AGBL4: variants seen among roughly 807,000 people sequenced by gnomAD.
AGBL4 encodes the protein AGBL carboxypeptidase 4.
In AGBL4, 58 loss-of-function variants were observed where a neutral mutation model predicts 66.4. The ratio of observed to expected loss-of-function variants is 0.87; its 90% CI spans 0.71 to 1.09. The LOEUF is 1.09. Ranked by LOEUF, AGBL4 falls within the 50% of genes least tolerant of loss-of-function variation. The pLI is 0.00. For synonymous variants in AGBL4, 234 were observed against 222.9 expected (o/e 1.05, Z -0.44); for missense variants, 579 against 631.0 (o/e 0.92, Z 0.88).
intron 4 of AGBL4, among the ~76,000 whole-genome samples, chr1:49,242,309 T>A (rs1481927561): frequency 6.6e-6 from 1 of 152,036 alleles, no homozygotes; most frequent in African/African-American, 2.4e-5. Flanking sequence ...TCTGCTATAA[T>A]GAAAAAGCCA....
At chr1:49,710,027 T>C (rs1647523827) in intron 2 of AGBL4, among the ~76,000 whole-genome samples, 1 of 152,166 alleles carries the variant, frequency 6.6e-6, no homozygotes, top group African/African-American at 2.4e-5. Context: ...TGGAAGACAG[T>C]GTGGCAATTC....
At chr1:49,091,243 A>T (rs1644997971) in intron 4 of AGBL4, among the ~76,000 whole-genome samples, 1 of 152,158 alleles carries the variant, frequency 6.6e-6, no homozygotes, top group African/African-American at 2.4e-5. Context: ...AATGGGAACA[A>T]ATTAAAGAGG....
chr1:48,891,974 G>T (rs1430927717), intron 5 of AGBL4, among the ~76,000 whole-genome samples: 1 of 151,356 alleles, frequency 6.6e-6, no homozygotes, highest in East Asian at 1.9e-4. Context: ...TCCTAGGGCT[G>T]CCATAACAAA....
At chr1:48,602,682 A>G (rs1645091004) in intron 9 of AGBL4, among the ~76,000 whole-genome samples, 1 of 152,200 alleles carries the variant, frequency 6.6e-6, no homozygotes, top group Admixed American at 6.5e-5. Flanking sequence ...GAAAAATAAA[A>G]TGGTTCCTAT....
chr1:49,550,111 C>T (rs1002933462), intron 3 of AGBL4, among the ~76,000 whole-genome samples: 7 of 152,170 alleles, frequency 4.6e-5, no homozygotes, highest in African/African-American at 1.7e-4. Context: ...CCCCTGCTTA[C>T]ATTTGGTGTT....
chr1:49,620,545 C>T (rs541891259), intron 3 of AGBL4, among the ~76,000 whole-genome samples: 23 of 152,146 alleles, frequency 1.5e-4, no homozygotes, highest in African/African-American at 5.3e-4. Context: ...TCAACCACTG[C>T]GGAAGACAAT....
intron 5 of AGBL4, among the ~76,000 whole-genome samples, chr1:48,932,157 C>T (rs1174184230): frequency 6.6e-6 from 1 of 152,132 alleles, no homozygotes; most frequent in African/African-American, 2.4e-5. Context: ...TCTTGGTTAC[C>T]CCAGGGCAGA....
intron 3 of AGBL4, among the ~76,000 whole-genome samples, chr1:49,689,231 T>C (rs183260085): frequency 6.6e-6 from 1 of 152,306 alleles, no homozygotes; most frequent in East Asian, 1.9e-4. Flanking sequence ...CATTAATCTC[T>C]TTTAATTTAA....
chr1:48,555,038 A>C (rs976567488), intron 11 of AGBL4, among the ~76,000 whole-genome samples: 1 of 152,198 alleles, frequency 6.6e-6, no homozygotes, highest in Non-Finnish European at 1.5e-5. Context: ...TAGAGAAGAC[A>C]TGTAAATAAA....
At chr1:49,749,213 G>A (rs1571477899) in intron 2 of AGBL4, among the ~76,000 whole-genome samples, 2 of 152,032 alleles carry the variant, frequency 1.3e-5, no homozygotes, top group South Asian at 2.1e-4. Context: ...GTCCAGTTTC[G>A]TTTTCTGCAT....
At chr1:49,401,746 T>C (rs1645090579) in intron 3 of AGBL4, among the ~76,000 whole-genome samples, 1 of 152,134 alleles carries the variant, frequency 6.6e-6, no homozygotes, top group Non-Finnish European at 1.5e-5. Flanking sequence ...ACAGATTGAG[T>C]AGGATTGGTA....
At chr1:50,019,306 T>TCTCTCTCTCACA (rs1167835143) in intron 1 of AGBL4, among the ~76,000 whole-genome samples, 617 of 48,406 alleles carry the variant, frequency 0.013, 11 homozygotes, top group Non-Finnish European at 0.018. Context: ...TCTCTCTCTC[T>TCTCTCTCTCACA]CACACACACA....
intron 6 of AGBL4, among the ~76,000 whole-genome samples, chr1:48,785,685 A>T (rs563162335): frequency 6.6e-6 from 1 of 152,296 alleles, no homozygotes; most frequent in South Asian, 2.1e-4. Flanking sequence ...TAATAACATA[A>T]TAGTAGCAGG....
At chr1:48,896,266 T>C (rs377406911) in intron 5 of AGBL4, among the ~76,000 whole-genome samples, 26 of 152,346 alleles carry the variant, frequency 1.7e-4, no homozygotes, top group South Asian at 1.2e-3. Flanking sequence ...TCCTCTCACA[T>C]TGTCCTTTGG....
chr1:49,666,070 C>G (rs1646361480), intron 3 of AGBL4, among the ~76,000 whole-genome samples: 1 of 151,772 alleles, frequency 6.6e-6, no homozygotes, highest in East Asian at 1.9e-4. Flanking sequence ...TCAAGCAATC[C>G]TCCTACCTCA....
intron 4 of AGBL4, among the ~76,000 whole-genome samples, chr1:49,207,590 C>CTTTCTT (rs1553166462): frequency 4.7e-5 from 5 of 106,640 alleles, no homozygotes; most frequent in Admixed American, 2.0e-4. Context: ...TTCTTTCTTT[C>CTTTCTT]TTTCTTTCTT....
intron 3 of AGBL4, among the ~76,000 whole-genome samples, chr1:49,675,999 G>T (rs1389465603): frequency 6.6e-6 from 1 of 152,008 alleles, no homozygotes; most frequent in African/African-American, 2.4e-5. Context: ...TTATAGCTTT[G>T]GCTGGTTTAC....
At chr1:48,691,698 A>G (rs1646636029) in intron 6 of AGBL4, among the ~76,000 whole-genome samples, 1 of 152,180 alleles carries the variant, frequency 6.6e-6, no homozygotes, top group Non-Finnish European at 1.5e-5. Context: ...CTCACCATGC[A>G]TTTATATCTT....
intron 2 of AGBL4, 79 bp downstream of exon 2, chr1:49,851,317 T>C (rs1646297917): frequency 7.1e-7 from 1 of 1,407,290 alleles, no homozygotes; most frequent in Non-Finnish European, 9.4e-7. Context: ...TTGCACTGAA[T>C]GGTCACATAA....
Sources: gnomAD v4.1 joint callset for allele counts (sites outside exome capture counted in the v4.1 genomes callset) on GRCh38, gnomAD v4.1.1 for gene constraint, MANE v1.5 for transcripts, NCBI Gene and HGNC (gene_info 2026-07-23, HGNC 2026-07-21) for gene names.